PRR16: variants seen among roughly 807,000 people sequenced by gnomAD.
The protein encoded by PRR16 is proline rich 16.
PRR16 carries 6 observed loss-of-function variants against 18.2 expected under a neutral mutation model. That is an observed-to-expected ratio of 0.33 (90% CI 0.18 to 0.65). The LOEUF (loss-of-function observed/expected upper bound fraction) is 0.65. Ranked by LOEUF, PRR16 falls within the 30% of genes least tolerant of loss-of-function variation. The pLI, the probability that PRR16 is intolerant of heterozygous loss-of-function variation, is 0.74. For synonymous variants in PRR16, 151 were observed against 147.8 expected (o/e 1.02, Z -0.16); for missense variants, 412 against 376.6 (o/e 1.09, Z -0.78).
chr5:120,785,114 C>A, the PRR16 span, among the ~76,000 whole-genome samples: 1 of 152,220 alleles, frequency 6.6e-6, no homozygotes, highest in African/African-American at 2.4e-5. Flanking sequence ...GCCACACTTG[C>A]TAATGGCTTC....
At chr5:120,516,610 A>T (rs1435135490) in intron 1 of PRR16, among the ~76,000 whole-genome samples, 1 of 152,012 alleles carries the variant, frequency 6.6e-6, no homozygotes, top group Non-Finnish European at 1.5e-5. Context: ...TGCAGAGAAA[A>T]GTATGGCGTG....
At chr5:120,602,283 T>C (rs1258135278) in intron 1 of PRR16, among the ~76,000 whole-genome samples, 1 of 152,092 alleles carries the variant, frequency 6.6e-6, no homozygotes, top group Non-Finnish European at 1.5e-5. Flanking sequence ...TTCACTTCCC[T>C]GGTTAGTTAT....
chr5:120,515,451 C>A (rs1381246431), intron 1 of PRR16, among the ~76,000 whole-genome samples: 1 of 152,080 alleles, frequency 6.6e-6, no homozygotes, highest in Non-Finnish European at 1.5e-5. Context: ...TCTTATAAAT[C>A]ATTGAAAATT....
chr5:120,514,017 C>T (rs1284607417), intron 1 of PRR16, among the ~76,000 whole-genome samples: 1 of 152,180 alleles, frequency 6.6e-6, no homozygotes, highest in African/African-American at 2.4e-5. Flanking sequence ...CTCGGCCTCC[C>T]AAAGTGCTGG....
At chr5:120,647,236 A>G (rs1755631361) in intron 1 of PRR16, among the ~76,000 whole-genome samples, 1 of 151,984 alleles carries the variant, frequency 6.6e-6, no homozygotes, top group Admixed American at 6.6e-5. Context: ...TTTGCCTAAC[A>G]ATTATTCAGT....
chr5:120,468,183 T>G (rs985633714), intron 1 of PRR16, among the ~76,000 whole-genome samples: 1 of 152,102 alleles, frequency 6.6e-6, no homozygotes, highest in South Asian at 2.1e-4. Context: ...GAAATAAGCT[T>G]AAAAAGATGA....
At chr5:120,666,476 C>G (rs1459876886) in intron 1 of PRR16, among the ~76,000 whole-genome samples, 1 of 151,424 alleles carries the variant, frequency 6.6e-6, no homozygotes, top group Non-Finnish European at 1.5e-5. Context: ...ATTGCCCTGG[C>G]CAGAACTTCC....
At chr5:120,732,675 A>C in the PRR16 span, among the ~76,000 whole-genome samples, 1 of 152,180 alleles carries the variant, frequency 6.6e-6, no homozygotes, top group African/African-American at 2.4e-5. Context: ...CCTGATAGTA[A>C]AGATGGCCCA....
At chr5:120,509,593 A>T (rs1417908876) in intron 1 of PRR16, among the ~76,000 whole-genome samples, 1 of 152,092 alleles carries the variant, frequency 6.6e-6, no homozygotes, top group Non-Finnish European at 1.5e-5. Context: ...TCTAGGCATT[A>T]TCTGGTTGGA....
intron 1 of PRR16, among the ~76,000 whole-genome samples, chr5:120,648,803 T>A (rs967513201): frequency 1.3e-5 from 2 of 152,144 alleles, no homozygotes; most frequent in Admixed American, 6.6e-5. Flanking sequence ...TTGCCCGTTC[T>A]TACAGTGTCA....
chr5:120,711,649 G>A, the PRR16 span, among the ~76,000 whole-genome samples: 1 of 152,072 alleles, frequency 6.6e-6, no homozygotes, highest in South Asian at 2.1e-4. Context: ...GGACACACTT[G>A]GCCACCAAGT....
chr5:120,682,280 C>A (rs576948793), intron 1 of PRR16, among the ~76,000 whole-genome samples: 1 of 152,298 alleles, frequency 6.6e-6, no homozygotes, highest in African/African-American at 2.4e-5. Context: ...ACTAACCTTT[C>A]TGATGGGGTC....
chr5:120,777,190 A>T, the PRR16 span, among the ~76,000 whole-genome samples: 8 of 152,216 alleles, frequency 5.3e-5, no homozygotes, highest in Admixed American at 2.6e-4. Context: ...ATCAAGTTTA[A>T]TAACTTTAAG....
the PRR16 span, among the ~76,000 whole-genome samples, chr5:120,707,324 T>C: frequency 6.6e-6 from 1 of 152,172 alleles, no homozygotes; most frequent in African/African-American, 2.4e-5. Flanking sequence ...TTCCATAGCT[T>C]GTGATTTTAC....
At chr5:120,722,250 G>T in the PRR16 span, among the ~76,000 whole-genome samples, 2 of 151,858 alleles carry the variant, frequency 1.3e-5, no homozygotes, top group Non-Finnish European at 2.9e-5. Context: ...TATTCTTATA[G>T]AGCCAAGATT....
chr5:120,465,865 A>G (rs1158476273), intron 1 of PRR16, among the ~76,000 whole-genome samples: 1 of 152,164 alleles, frequency 6.6e-6, no homozygotes, highest in Non-Finnish European at 1.5e-5. Flanking sequence ...GGTTGTTTGG[A>G]TGACTGGCCT....
the PRR16 span, among the ~76,000 whole-genome samples, chr5:120,779,737 T>C: frequency 6.6e-6 from 1 of 152,180 alleles, no homozygotes; most frequent in Admixed American, 6.5e-5. Flanking sequence ...ATATTCTTAA[T>C]AACAGCAAAG....
the PRR16 span, among the ~76,000 whole-genome samples, chr5:120,756,232 A>T: frequency 1.3e-5 from 2 of 152,054 alleles, no homozygotes; most frequent in Admixed American, 1.3e-4. Context: ...TTTCATCTGC[A>T]CAGAAGTGGG....
At chr5:120,493,642 A>G (rs146795808) in intron 1 of PRR16, among the ~76,000 whole-genome samples, 4 of 152,142 alleles carry the variant, frequency 2.6e-5, no homozygotes, top group Admixed American at 6.6e-5. Flanking sequence ...CCATTGCCAC[A>G]AGGATCTCTC....
Sources: gnomAD v4.1 joint callset for allele counts (sites outside exome capture counted in the v4.1 genomes callset) on GRCh38, gnomAD v4.1.1 for gene constraint, MANE v1.5 for transcripts, NCBI Gene and HGNC (gene_info 2026-07-23, HGNC 2026-07-21) for gene names.